The following LAMTOR5 variants were observed in gnomAD, a reference collection of about 807,000 sequenced individuals.
LAMTOR5 encodes late endosomal/lysosomal adaptor, MAPK and MTOR activator 5, also known as ragulator complex protein LAMTOR5.
Under a neutral mutation model 12.1 loss-of-function variants are expected in LAMTOR5, and 8 were observed. The ratio of observed to expected loss-of-function variants is 0.66; its 90% CI spans 0.39 to 1.19. The LOEUF (loss-of-function observed/expected upper bound fraction) is 1.19. LAMTOR5 is among the 50% of genes most tolerant of loss of function. The pLI, the probability that LAMTOR5 is intolerant of heterozygous loss-of-function variation, is 0.01. For missense variants in LAMTOR5, 110 were observed against 112.8 expected (o/e 0.97, Z 0.11); for synonymous variants, 37 against 41.9 (o/e 0.88, Z 0.45).
chr1:110,403,828 G>A (rs1160629502), intron 3 of LAMTOR5, 91 bp downstream of exon 3: 1 of 1,529,816 alleles, frequency 6.5e-7, no homozygotes. Flanking sequence ...GTCTGAATAA[G>A]GAATCACTGA....
At position 110,407,362 on chromosome 1, in the gene LAMTOR5, G is replaced by C. The variant is rs1388996490; in HGVS notation, c.35+224C>G. ...TTTGGCCCGTGGCCTGGGCCCGGGAGACTCGCTCAAGAGGGAATGTGCGGT... is the reference window on the plus strand; with the variant it reads ...TTTGGCCCGTGGCCTGGGCCCGGGACACTCGCTCAAGAGGGAATGTGCGGT... On this transcript the variant is annotated intron_variant, in intron 1 of 3. Transcript: ENST00000602318. The C allele has an allele frequency of 8.0e-6, 5 of 625,968 alleles. No homozygotes were observed. The East Asian group carries it at 8.3e-5, about 10-fold the overall frequency. The allele number at this position is 625,968 out of a possible 1,614,324, so 38.8% of individuals were successfully genotyped here.
chr1:110,402,076 GA>G (rs1663241375), intron 3 of LAMTOR5, among the ~76,000 whole-genome samples: 1 of 152,130 alleles, frequency 6.6e-6, no homozygotes, highest in Non-Finnish European at 1.5e-5. Context: ...ATTGCCTAGT[GA>G]CCTTTTAACC....
intron 3 of LAMTOR5, chr1:110,403,690 G>T: frequency 4.2e-6 from 2 of 471,864 alleles, no homozygotes; most frequent in Non-Finnish European, 3.5e-6. Flanking sequence ...CTTTTTGTTG[G>T]TAAACTGATA....
At chr1:110,405,795 A>C (rs1009421552) in intron 2 of LAMTOR5, among the ~76,000 whole-genome samples, 1 of 152,236 alleles carries the variant, frequency 6.6e-6, no homozygotes, top group Admixed American at 6.5e-5. Flanking sequence ...CCTAAAAGGT[A>C]GTTTTTTGGT....
At position 110,407,634 on chromosome 1, in the gene LAMTOR5, C is replaced by G. The variant is rs1215177615; in HGVS notation, c.-14G>C. The G allele has an allele frequency of 1.2e-6, 2 of 1,614,214 alleles. No homozygotes were observed. The highest frequency in any genetic ancestry group is 2.2e-5 in the South Asian group (2 of 91,082). ...GGTCGCCTCCATCCCACCCACCGACCACTCCGGCTCAGAACCCAGCGGCAC... is the reference window on the plus strand; with the variant it reads ...GGTCGCCTCCATCCCACCCACCGACGACTCCGGCTCAGAACCCAGCGGCAC... On this transcript the variant is annotated 5_prime_UTR_variant, in exon 1 of 4. Coordinates refer to ENST00000602318, the MANE Select transcript of LAMTOR5 (RefSeq NM_001382293.1).
intron 3 of LAMTOR5, 177 bp downstream of exon 3, chr1:110,403,742 C>A: frequency 1.2e-6 from 1 of 841,286 alleles, no homozygotes; most frequent in Non-Finnish European, 1.7e-6. Flanking sequence ...AGCATTGTGG[C>A]CTGAGAGCAC....
At chr1:110,405,636 A>G (rs570522915) in intron 2 of LAMTOR5, among the ~76,000 whole-genome samples, 68 of 152,100 alleles carry the variant, frequency 4.5e-4, no homozygotes, top group Non-Finnish European at 9.0e-4. Flanking sequence ...TGGTCCCTCA[A>G]TTTCTTTTTC....
At position 110,407,567 on chromosome 1, in the gene LAMTOR5, A is replaced by G; in HGVS notation, c.35+19T>C. On this transcript the variant is annotated intron_variant, in intron 1 of 3. Transcript: ENST00000602318. ...CCGCCGCGACCTCAGGACAGGCCGA[A>G]GAGGCGCGCACTACTCACGTGTCTT... is the stretch of plus-strand genomic sequence containing the variant. 3 of 1,610,100 alleles carry G rather than the reference A, an allele frequency of 1.9e-6. No homozygotes were observed. The highest frequency in any genetic ancestry group is 2.5e-6 in the Non-Finnish European group (3 of 1,176,950).
At position 110,406,383 on chromosome 1, in the gene LAMTOR5, A is replaced by T. The variant is rs747984008; in HGVS notation, c.36-4T>A. ...AACAATGGAGGGATTCTTCATTCTAATTCCAGGAACACAAGAGAGTTGAAG... is the reference window on the plus strand; with the variant it reads ...AACAATGGAGGGATTCTTCATTCTATTTCCAGGAACACAAGAGAGTTGAAG... On this transcript the variant is annotated splice_region_variant and splice_polypyrimidine_tract_variant and intron_variant, in intron 1 of 3. Coordinates refer to ENST00000602318, the MANE Select transcript of LAMTOR5 (RefSeq NM_001382293.1). 4.4e-6 allele frequency: 7 copies of T among 1,606,082 alleles called. No homozygotes were observed. The African/African-American group carries it at 8.0e-5, about 18-fold the overall frequency.
At chr1:110,403,226 T>G (rs1663261772) in intron 3 of LAMTOR5, among the ~76,000 whole-genome samples, 1 of 120,602 alleles carries the variant, frequency 8.3e-6, no homozygotes, top group Admixed American at 8.1e-5. Context: ...TACAAGGCTG[T>G]GATAGTAGCA....
In LAMTOR5 at chr1:110,403,925, T is replaced by C. The variant is rs757136030; in HGVS notation, c.209A>G (p.Asp70Gly). Residue 70 changes from aspartate (D) to glycine (G), a missense_variant, in exon 3 of 4, where the codon GAT becomes GGT. Physicochemically the swap from Asp to Gly is moderately conservative, Grantham distance 94. Transcript: ENST00000602318. ...TDIPVVCLES[D>G]NGNIMIQKHD... Reference sequence around the variant, plus strand: ...TCTGCTGAAATCTACTCACCCATTATCTGATTCTAGACACACCACAGGAAT... The same window carrying C: ...TCTGCTGAAATCTACTCACCCATTACCTGATTCTAGACACACCACAGGAAT... 12 of 1,613,534 alleles carry C rather than the reference T, an allele frequency of 7.4e-6. 1 individual carries two copies. The highest frequency in any genetic ancestry group is 1.6e-4 in the Middle Eastern group (1 of 6,084).
chr1:110,406,573 C>G lies in LAMTOR5; in HGVS notation c.36-194G>C, dbSNP rs1356449174. ...GGCGCGGTTGCTCACGCCTGTAATCCCAGCACTTTGGGAGGCCCAGGTGGG... is the reference window on the plus strand; with the variant it reads ...GGCGCGGTTGCTCACGCCTGTAATCGCAGCACTTTGGGAGGCCCAGGTGGG... On this transcript the variant is annotated intron_variant, in intron 1 of 3. Coordinates refer to ENST00000602318, the MANE Select transcript of LAMTOR5 (RefSeq NM_001382293.1). The G allele has an allele frequency of 7.6e-6, 3 of 395,582 alleles. No homozygotes were observed. In the Admixed American group the frequency reaches 1.4e-4, roughly 18 times the overall value. 24.5% of individuals were successfully genotyped at this position (395,582 alleles called of 1,614,324 possible).
chr1:110,403,898 G>A, intron 3 of LAMTOR5, 21 bp downstream of exon 3: 1 of 1,611,550 alleles, frequency 6.2e-7, no homozygotes, highest in Non-Finnish European at 8.5e-7. Flanking sequence ...AAAAGGAAAG[G>A]ATCTGCTGAA....
intron 1 of LAMTOR5, 74 bp from the exon 2 acceptor site, chr1:110,406,453 G>T: frequency 2.0e-6 from 2 of 977,150 alleles, no homozygotes; most frequent in Non-Finnish European, 1.6e-6. Flanking sequence ...AAACATACAG[G>T]TGTTCTATGT....
chr1:110,406,260 C>T (rs1663326201), intron 2 of LAMTOR5, 58 bp downstream of exon 2: 4 of 1,192,798 alleles, frequency 3.4e-6, no homozygotes, highest in Non-Finnish European at 4.8e-6. Flanking sequence ...ACGCTAGGCT[C>T]CAAGTCAACA....
intron 1 of LAMTOR5, chr1:110,406,842 T>A (rs558007468): frequency 4.0e-5 from 17 of 430,008 alleles, no homozygotes; most frequent in African/African-American, 3.5e-4. Context: ...ACACAAAAAA[T>A]TTAAGTTCTA....
At chr1:110,406,872 C>G (rs923444580) in intron 1 of LAMTOR5, 2 of 436,710 alleles carry the variant, frequency 4.6e-6, no homozygotes, top group African/African-American at 2.0e-5. Flanking sequence ...TTGAAATAAA[C>G]CAGTTTCTCT....
chr1:110,402,035 C>G (rs955347938), intron 3 of LAMTOR5, among the ~76,000 whole-genome samples: 20 of 152,112 alleles, frequency 1.3e-4, no homozygotes, highest in African/African-American at 4.6e-4. Context: ...ATGGTGGTCC[C>G]GTAAGATTAT....
chr1:110,406,464 A>G (rs1663331665), intron 1 of LAMTOR5, 85 bp from the exon 2 acceptor site: 3 of 858,930 alleles, frequency 3.5e-6, no homozygotes, highest in Non-Finnish European at 5.6e-6. Context: ...TGTTCTATGT[A>G]CCAGGCATTA....
Sources: gnomAD v4.1 joint callset for allele counts (sites outside exome capture counted in the v4.1 genomes callset) on GRCh38, gnomAD v4.1.1 for gene constraint, MANE v1.5 for transcripts, NCBI Gene and HGNC (gene_info 2026-07-23, HGNC 2026-07-21) for gene names.